Variants in CCNJL observed in about 807,000 individuals in gnomAD.
CCNJL encodes the protein cyclin J like.
A neutral mutation model predicts 33.4 loss-of-function variants in CCNJL; 33 were observed. That is an observed-to-expected ratio of 0.99 (90% CI 0.75 to 1.32). The LOEUF (loss-of-function observed/expected upper bound fraction) is 1.32. Among genes scored for constraint, CCNJL ranks in the 40% most tolerant of loss-of-function variants. CCNJL has a pLI of 0.00. For synonymous variants in CCNJL, 227 were observed against 220.9 expected, an observed-to-expected ratio of 1.03 and a Z score of -0.24; for missense variants, 512 against 499.7, an observed-to-expected ratio of 1.02 and a Z score of -0.23.
At chr5:160,265,441 G>A (rs77822590) in intron 3 of CCNJL, among the ~76,000 whole-genome samples, 1,818 of 152,242 alleles carry the variant, frequency 0.012, 34 homozygotes, top group African/African-American at 0.041. Context: ...TTCAAGACCA[G>A]CCTGTCCAAT....
chr5:160,328,592 T>TA (rs56803041), intron 1 of CCNJL, among the ~76,000 whole-genome samples: 4,574 of 133,786 alleles, frequency 0.034, 211 homozygotes, highest in African/African-American at 0.12. Context: ...TACTGTCTCT[T>TA]AAAAAAAAAA....
At chr5:160,325,038 C>T (rs1398735558) in intron 1 of CCNJL, among the ~76,000 whole-genome samples, 2 of 152,138 alleles carry the variant, frequency 1.3e-5, no homozygotes, top group African/African-American at 2.4e-5. Flanking sequence ...GCTCTGTGGC[C>T]GTGGGCAAGT....
intron 2 of CCNJL, 53 bp downstream of exon 2, chr5:160,311,805 C>G: frequency 6.4e-7 from 1 of 1,553,630 alleles, no homozygotes; most frequent in South Asian, 1.1e-5. Context: ...GAAGTCGAGA[C>G]CGAAGGAGAC....
At chr5:160,293,823 G>A (rs1002647048) in intron 2 of CCNJL, among the ~76,000 whole-genome samples, 1 of 152,126 alleles carries the variant, frequency 6.6e-6, no homozygotes, top group Non-Finnish European at 1.5e-5. Flanking sequence ...CCAGGGCTTG[G>A]GGTATGACAA....
intron 2 of CCNJL, among the ~76,000 whole-genome samples, chr5:160,291,221 T>C (rs1385675419): frequency 1.3e-5 from 2 of 152,044 alleles, no homozygotes; most frequent in African/African-American, 4.8e-5. Flanking sequence ...TCAGTGTTTA[T>C]GGAGAAGTGG....
intron 2 of CCNJL, among the ~76,000 whole-genome samples, chr5:160,296,254 C>G (rs1762747614): frequency 6.6e-6 from 1 of 152,244 alleles, no homozygotes; most frequent in Admixed American, 6.5e-5. Flanking sequence ...TGCTAGCACT[C>G]TGCAGGTGCC....
intron 3 of CCNJL, 86 bp from the exon 4 acceptor site, chr5:160,259,857 C>T (rs1018027111): frequency 7.3e-6 from 8 of 1,096,320 alleles, no homozygotes; most frequent in Non-Finnish European, 1.1e-5. Flanking sequence ...AGTGCCTGGA[C>T]ATTGCTGGCA....
intron 2 of CCNJL, among the ~76,000 whole-genome samples, chr5:160,289,253 T>C (rs1762508622): frequency 6.6e-6 from 1 of 152,178 alleles, no homozygotes; most frequent in African/African-American, 2.4e-5. Flanking sequence ...GGGGTTTCCA[T>C]GAGGGACGGA....
At chr5:160,282,429 CAAG>C (rs940088298) in intron 2 of CCNJL, among the ~76,000 whole-genome samples, 6 of 152,090 alleles carry the variant, frequency 3.9e-5, no homozygotes, top group African/African-American at 7.2e-5. Context: ...GACACTAAAA[CAAG>C]AAGCATCAAG....
intron 1 of CCNJL, among the ~76,000 whole-genome samples, chr5:160,331,935 G>C (rs4315961): frequency 0.55 from 83,041 of 151,930 alleles, 22,863 homozygotes; most frequent in Middle Eastern, 0.63. Context: ...CCATGTCAGA[G>C]CTACTCAATC....
In CCNJL at chr5:160,253,327, C is replaced by T. The variant is rs762245035; in HGVS notation, c.*51G>A. 4.6e-6 allele frequency: 7 copies of T among 1,517,872 alleles called. No individual in the cohort carries two copies. The allele number at this position is 1,517,872 out of a possible 1,614,324, so 94.0% of individuals were successfully genotyped here. On this transcript the variant is annotated 3_prime_UTR_variant, in exon 6 of 6. Coordinates refer to ENST00000257536, the MANE Select transcript of CCNJL (RefSeq NM_001308173.3). ...TGGCTGAGCTCTCCTCTTCAGTGTC[C>T]TCTTCCTCTGCCCACATCTCCAAGG... is the stretch of plus-strand genomic sequence containing the variant.
chr5:160,280,875 C>T (rs1428033397), intron 2 of CCNJL, 137 bp from the exon 3 acceptor site: 3 of 724,100 alleles, frequency 4.1e-6, no homozygotes, highest in Non-Finnish European at 4.9e-6. Flanking sequence ...TCCTGCAAGT[C>T]CCAGGATGGC....
intron 2 of CCNJL, among the ~76,000 whole-genome samples, chr5:160,287,037 C>G (rs1321377427): frequency 6.6e-6 from 1 of 152,182 alleles, no homozygotes; most frequent in African/African-American, 2.4e-5. Context: ...CTCCCGCCCC[C>G]ACATACCGGG....
intron 2 of CCNJL, among the ~76,000 whole-genome samples, chr5:160,282,757 C>A (rs761990144): frequency 6.6e-6 from 1 of 151,326 alleles, no homozygotes; most frequent in Non-Finnish European, 1.5e-5. Flanking sequence ...TGATAAGATA[C>A]CACCTCACAC....
At chr5:160,276,911 G>A (rs1762033422) in intron 3 of CCNJL, among the ~76,000 whole-genome samples, 1 of 151,868 alleles carries the variant, frequency 6.6e-6, no homozygotes, top group Non-Finnish European at 1.5e-5. Context: ...AGCCTCCCAT[G>A]TAGCTGAGAC....
chr5:160,310,649 T>C (rs1382047005), intron 2 of CCNJL, among the ~76,000 whole-genome samples: 1 of 152,188 alleles, frequency 6.6e-6, no homozygotes, highest in Non-Finnish European at 1.5e-5. Flanking sequence ...AATGTGACCT[T>C]ACTTGGAAAT....
intron 1 of CCNJL, among the ~76,000 whole-genome samples, chr5:160,319,757 C>T (rs1263949521): frequency 1.3e-5 from 2 of 151,974 alleles, no homozygotes; most frequent in South Asian, 2.1e-4. Context: ...ATAGTGAGAC[C>T]GTTTCTACAA....
chr5:160,333,060 G>A (rs1048456078), intron 1 of CCNJL, among the ~76,000 whole-genome samples: 1 of 152,070 alleles, frequency 6.6e-6, no homozygotes. Flanking sequence ...CAAAACAGCA[G>A]GATTGCTTGA....
At position 160,253,595 on chromosome 5, in the gene CCNJL, T is replaced by C; in HGVS notation, c.947A>G (p.His316Arg). The change falls in exon 6 of 6, where the codon CAC (histidine) becomes CGC (arginine). Residue 316 changes from histidine (H) to arginine (R), a missense_variant. Physicochemically the swap from His to Arg is conservative, Grantham distance 29. Coordinates refer to ENST00000257536, the MANE Select transcript of CCNJL (RefSeq NM_001308173.3). Reference protein sequence around the residue: ...CLAYRDSLQAHRSGSLLSGST... With the variant: ...CLAYRDSLQARRSGSLLSGST... ...CCCCGAGAGCAGGCTCCCTGAACGG[T>C]GGGCCTGCAAGGAGTCCCGATAGGC... 6.2e-7 allele frequency: 1 copy of C among 1,613,720 alleles called. No homozygotes were observed. The highest frequency in any genetic ancestry group is 1.7e-5 in the Admixed American group (1 of 59,958).
Sources: gnomAD v4.1 joint callset for allele counts (sites outside exome capture counted in the v4.1 genomes callset) on GRCh38, gnomAD v4.1.1 for gene constraint, MANE v1.5 for transcripts, NCBI Gene and HGNC (gene_info 2026-07-23, HGNC 2026-07-21) for gene names.